TENM1: variants seen among roughly 807,000 people sequenced by gnomAD.
TENM1 encodes teneurin transmembrane protein 1.
Under a neutral mutation model 174.8 loss-of-function variants are expected in TENM1, and 35 were observed. The ratio of observed to expected loss-of-function variants is 0.20; its 90% CI spans 0.15 to 0.27. The LOEUF (loss-of-function observed/expected upper bound fraction) is 0.27. Ranked by LOEUF, TENM1 falls within the 10% of genes least tolerant of loss-of-function variation. The pLI is 1.00. For synonymous variants in TENM1, 781 were observed against 798.7 expected, an observed-to-expected ratio of 0.98 and a Z score of 0.37; for missense variants, 1,633 against 2,130.1, an observed-to-expected ratio of 0.77 and a Z score of 4.59.
the TENM1 span, among the ~76,000 whole-genome samples, chrX:125,048,347 A>G: frequency 9.7e-6 from 1 of 103,247 alleles, no homozygotes; most frequent in South Asian, 4.5e-4. Flanking sequence ...TGCAGCCTCG[A>G]ACTCCTGGAC....
chrX:124,705,383 TC>T (rs1358751255), intron 4 of TENM1, 132 bp from the exon 8 acceptor site: 1 of 447,745 alleles, frequency 2.2e-6, no homozygotes, highest in Non-Finnish European at 3.9e-6. Context: ...AGCAACATTT[TC>T]ATATACCTAA....
the TENM1 span, among the ~76,000 whole-genome samples, chrX:124,980,733 G>A: frequency 1.8e-5 from 2 of 111,019 alleles, no homozygotes. Flanking sequence ...TTTAGAATTT[G>A]TGATCAGAAA....
intron 22 of TENM1, among the ~76,000 whole-genome samples, chrX:124,464,472 A>G (rs1257687640): frequency 8.9e-6 from 1 of 112,158 alleles, no homozygotes; most frequent in Non-Finnish European, 1.9e-5. Context: ...CAAAAACAAC[A>G]CAGAGGGCCC....
At chrX:124,509,074 AACACACACACACACACAAAC>A (rs1287641179) in intron 18 of TENM1, among the ~76,000 whole-genome samples, 13 of 108,180 alleles carry the variant, frequency 1.2e-4, no homozygotes, top group African/African-American at 3.7e-4. Context: ...TAAAACAAAT[AACACACACACACACACAAAC>A]ACACACACAC....
chrX:124,424,727 T>C (rs1204356793), intron 23 of TENM1, among the ~76,000 whole-genome samples: 1 of 111,542 alleles, frequency 9.0e-6, no homozygotes, highest in Non-Finnish European at 1.9e-5. Flanking sequence ...GAAGTTCTTA[T>C]GACTGATTTA....
At chrX:124,649,655 A>G (rs966300970) in intron 8 of TENM1, among the ~76,000 whole-genome samples, 1 of 112,065 alleles carries the variant, frequency 8.9e-6, no homozygotes, top group Non-Finnish European at 1.9e-5. Flanking sequence ...TGCCTATACT[A>G]CTGGAAAATA....
rs550841997 is a variant in TENM1 at position 124,634,419 on chromosome X, T to C, written c.2077+7372A>G. ...TGTACCTGCAATCGTAGGTTCCTAA[T>C]ATGGTGACATTAACTGTCTCTTTGT... On this transcript the variant is annotated intron_variant, in intron 11 of 31. Coordinates refer to ENST00000422452, the Ensembl canonical transcript of TENM1. Among the ~76,000 whole-genome samples, 128 of 111,691 alleles carry C rather than the reference T, an allele frequency of 1.1e-3. No homozygotes were observed. The Middle Eastern group carries it at 0.014, about 12-fold the overall frequency.
chrX:124,826,917 T>C (rs964117339), intron 3 of TENM1, among the ~76,000 whole-genome samples: 1 of 111,889 alleles, frequency 8.9e-6, no homozygotes, highest in African/African-American at 3.2e-5. Context: ...TTTCTTCCAT[T>C]ACTGGTGTTT....
At chrX:124,396,653 A>G (rs1168115108) in intron 27 of TENM1, among the ~76,000 whole-genome samples, 2 of 110,994 alleles carry the variant, frequency 1.8e-5, no homozygotes, top group Non-Finnish European at 3.8e-5. Context: ...TATGATAAGA[A>G]TAAGAACTAG....
At chrX:125,170,733 G>A in the TENM1 span, among the ~76,000 whole-genome samples, 6 of 110,985 alleles carry the variant, frequency 5.4e-5, no homozygotes, top group African/African-American at 1.6e-4. Flanking sequence ...AATGGACTTC[G>A]AAGGTCAGTG....
chrX:124,884,247 G>C (rs2057347964), intron 3 of TENM1, among the ~76,000 whole-genome samples: 1 of 110,826 alleles, frequency 9.0e-6, no homozygotes, highest in Non-Finnish European at 1.9e-5. Context: ...TGCGGTGGTG[G>C]CTGTAGGCAG....
chrX:125,187,664 A>G, the TENM1 span, among the ~76,000 whole-genome samples: 2 of 111,307 alleles, frequency 1.8e-5, no homozygotes, highest in East Asian at 2.8e-4. Flanking sequence ...GATGGGGGAA[A>G]GGGGACTACA....
At chrX:124,880,186 G>A (rs771550830) in intron 3 of TENM1, among the ~76,000 whole-genome samples, 1 of 111,780 alleles carries the variant, frequency 8.9e-6, no homozygotes, top group African/African-American at 3.3e-5. Context: ...CCACCTGTTT[G>A]TGTCCTCTTC....
chrX:124,576,896 C>T (rs765967016), intron 11 of TENM1, among the ~76,000 whole-genome samples: 15 of 111,747 alleles, frequency 1.3e-4, no homozygotes, highest in Admixed American at 3.8e-4. Context: ...AAATTACCTA[C>T]ATGGTGTTAT....
At chrX:124,459,834 G>A in intron 22 of TENM1, among the ~76,000 whole-genome samples, 1 of 111,309 alleles carries the variant, frequency 9.0e-6, no homozygotes, top group Non-Finnish European at 1.9e-5. Flanking sequence ...TCTGACAAAG[G>A]TCTAATATCC....
chrX:124,564,371 G>T (rs1456351501), intron 12 of TENM1, among the ~76,000 whole-genome samples: 1 of 111,801 alleles, frequency 8.9e-6, no homozygotes, highest in Non-Finnish European at 1.9e-5. Context: ...ACTTTGGCAA[G>T]CTCCAACCAT....
chrX:124,715,790 A>AT, intron 4 of TENM1, among the ~76,000 whole-genome samples: 1 of 107,743 alleles, frequency 9.3e-6, no homozygotes, highest in Admixed American at 1.0e-4. Context: ...GTTCAACTTC[A>AT]TTTTCCACAG....
At chrX:124,655,834 T>C (rs1390613501) in intron 6 of TENM1, among the ~76,000 whole-genome samples, 1 of 112,256 alleles carries the variant, frequency 8.9e-6, no homozygotes, top group Non-Finnish European at 1.9e-5. Flanking sequence ...AATGACCAAC[T>C]GAGGACCTTA....
the TENM1 span, among the ~76,000 whole-genome samples, chrX:125,124,643 T>G: frequency 4.4e-5 from 5 of 112,509 alleles, no homozygotes; most frequent in African/African-American, 1.6e-4. Flanking sequence ...CCATCCATGA[T>G]GCATATGTAT....
Sources: allele counts gnomAD v4.1 joint callset (sites outside exome capture counted in the v4.1 genomes callset), GRCh38; gene constraint gnomAD v4.1.1; transcripts MANE v1.5; gene names NCBI Gene and HGNC (gene_info 2026-07-23, HGNC 2026-07-21).